Variants in AKAP19 observed in about 807,000 individuals in gnomAD.
The protein encoded by AKAP19 is A-kinase anchoring protein 19, also known as small A-kinase anchoring protein.
At chr2:190,180,819 AG>A in the AKAP19 span, 5 of 985,158 alleles carry the variant, frequency 5.1e-6, no homozygotes, top group Non-Finnish European at 6.0e-6. The surrounding 1 kb of genome is among the most constrained non-coding windows in gnomAD (Gnocchi z 6.8). Flanking sequence ...CGGCAGGAGG[AG>A]GGGCCGGGAG....
the AKAP19 span, among the ~76,000 whole-genome samples, chr2:189,939,622 T>G: frequency 6.6e-6 from 1 of 152,190 alleles, no homozygotes; most frequent in Non-Finnish European, 1.5e-5. Context: ...ACTCTATGAC[T>G]AATCATTCAA....
the AKAP19 span, among the ~76,000 whole-genome samples, chr2:189,900,052 T>C: frequency 6.6e-6 from 1 of 152,184 alleles, no homozygotes; most frequent in Admixed American, 6.5e-5. Context: ...ACAGTAAATA[T>C]AGTCATATAT....
the AKAP19 span, among the ~76,000 whole-genome samples, chr2:190,134,714 G>T: frequency 1.2e-5 from 1 of 82,200 alleles, no homozygotes; most frequent in Admixed American, 1.6e-4. Context: ...AACTTTAAAT[G>T]TGTGTGTTTT....
the AKAP19 span, among the ~76,000 whole-genome samples, chr2:190,090,036 A>G: frequency 6.6e-6 from 1 of 152,086 alleles, no homozygotes; most frequent in Non-Finnish European, 1.5e-5. Flanking sequence ...CTTAACCTAG[A>G]GTAGTTCTTG....
the AKAP19 span, chr2:190,181,026 C>A: frequency 1.0e-6 from 1 of 985,616 alleles, no homozygotes; most frequent in Non-Finnish European, 1.2e-6. Flanking sequence ...GGAGACCCGC[C>A]CCGGGCCTGA....
the AKAP19 span, among the ~76,000 whole-genome samples, chr2:190,027,893 G>T: frequency 5.9e-5 from 9 of 152,120 alleles, no homozygotes. Context: ...TGGCATCTAT[G>T]AATTTAGATG....
the AKAP19 span, among the ~76,000 whole-genome samples, chr2:190,069,677 A>G: frequency 6.6e-6 from 1 of 152,188 alleles, no homozygotes; most frequent in East Asian, 1.9e-4. Flanking sequence ...TTCCATTTCC[A>G]AATTCTTTTG....
the AKAP19 span, among the ~76,000 whole-genome samples, chr2:190,173,789 C>T: frequency 5.8e-4 from 88 of 152,266 alleles, no homozygotes; most frequent in East Asian, 3.7e-3. Context: ...AATTCAAGAT[C>T]GAGAAAATTG....
the AKAP19 span, among the ~76,000 whole-genome samples, chr2:189,989,026 AT>A: frequency 7.2e-5 from 11 of 152,356 alleles, no homozygotes; most frequent in South Asian, 2.1e-4. Context: ...GAGTAATCTA[AT>A]GGAGCAGAAC....
the AKAP19 span, among the ~76,000 whole-genome samples, chr2:190,071,379 T>C: frequency 1.4e-4 from 21 of 152,336 alleles, no homozygotes; most frequent in Non-Finnish European, 2.8e-4. Flanking sequence ...TTTTTTACTG[T>C]ACCTTTTCTA....
chr2:190,180,557 G>C, the AKAP19 span: 80 of 985,820 alleles, frequency 8.1e-5, no homozygotes, highest in Middle Eastern at 5.2e-4. This position sits in a 1 kb window ranked among gnomAD's most constrained non-coding sequence, Gnocchi z 6.8. Flanking sequence ...CTGCGGCGCC[G>C]GCAGCTGCTT....
At chr2:189,921,540 T>A in the AKAP19 span, among the ~76,000 whole-genome samples, 2 of 152,164 alleles carry the variant, frequency 1.3e-5, no homozygotes, top group African/African-American at 4.8e-5. Context: ...CCTTAGAAGA[T>A]TTTTTTAAAG....
chr2:190,130,062 A>AT, the AKAP19 span, among the ~76,000 whole-genome samples: 1 of 152,190 alleles, frequency 6.6e-6, no homozygotes, highest in Non-Finnish European at 1.5e-5. Flanking sequence ...TTCTAGTCCA[A>AT]TTTTTCATAT....
the AKAP19 span, among the ~76,000 whole-genome samples, chr2:190,125,018 C>T: frequency 1.3e-5 from 2 of 152,152 alleles, no homozygotes; most frequent in African/African-American, 2.4e-5. Flanking sequence ...GGGGCAGTAA[C>T]ACACATGGAG....
chr2:190,030,509 C>T, the AKAP19 span, among the ~76,000 whole-genome samples: 3 of 152,196 alleles, frequency 2.0e-5, no homozygotes, highest in Non-Finnish European at 4.4e-5. Context: ...TTTGCCACCT[C>T]ATGGGAGGAC....
the AKAP19 span, among the ~76,000 whole-genome samples, chr2:189,939,771 T>C: frequency 6.6e-6 from 1 of 152,230 alleles, no homozygotes; most frequent in Non-Finnish European, 1.5e-5. Context: ...TTAGTTGAAC[T>C]GCAAAATTCA....
At chr2:190,194,774 G>T in the AKAP19 span, among the ~76,000 whole-genome samples, 1 of 152,044 alleles carries the variant, frequency 6.6e-6, no homozygotes, top group Non-Finnish European at 1.5e-5. Flanking sequence ...TCATATAGTT[G>T]TAATCATACA....
the AKAP19 span, among the ~76,000 whole-genome samples, chr2:190,030,420 T>A: frequency 6.6e-6 from 1 of 152,240 alleles, no homozygotes; most frequent in Non-Finnish European, 1.5e-5. Flanking sequence ...TCTCCTCCTA[T>A]CCCATTAGTA....
chr2:190,010,565 T>C, the AKAP19 span, among the ~76,000 whole-genome samples: 1 of 152,158 alleles, frequency 6.6e-6, no homozygotes, highest in African/African-American at 2.4e-5. Flanking sequence ...TTAAAATGCA[T>C]GTTTTTGTTC....
Sources: allele counts gnomAD v4.1 joint callset (sites outside exome capture counted in the v4.1 genomes callset), GRCh38; gene constraint gnomAD v4.1.1; non-coding constraint Gnocchi (gnomAD v3.1); transcripts MANE v1.5; gene names NCBI Gene and HGNC (gene_info 2026-07-23, HGNC 2026-07-21).